The following LRRC4C variants were observed in gnomAD, a reference collection of about 807,000 sequenced individuals.
LRRC4C encodes leucine rich repeat containing 4C.
A neutral mutation model predicts 33.6 loss-of-function variants in LRRC4C; 5 were observed. The observed-to-expected ratio is 0.15, with a 90% CI of 0.08 to 0.31. The LOEUF is 0.31. LRRC4C is among the 10% of genes least tolerant of loss of function. The pLI, the probability that LRRC4C is intolerant of heterozygous loss-of-function variation, is 1.00. For synonymous variants in LRRC4C, 329 were observed against 302.0 expected (o/e 1.09, Z -0.93); for missense variants, 560 against 796.7 (o/e 0.70, Z 3.58).
chr11:41,261,374 A>G (rs1948977403), intron 1 of LRRC4C, among the ~76,000 whole-genome samples: 1 of 151,942 alleles, frequency 6.6e-6, no homozygotes, highest in South Asian at 2.1e-4. Context: ...TTTTTTTTGT[A>G]GCAGTAGGAA....
chr11:41,418,471 G>A (rs182719309), intron 1 of LRRC4C, among the ~76,000 whole-genome samples: 2 of 152,010 alleles, frequency 1.3e-5, no homozygotes, highest in African/African-American at 2.4e-5. Context: ...TGTTTAGAAG[G>A]GTCACTATGT....
At chr11:40,584,821 A>G (rs578049754) in intron 3 of LRRC4C, among the ~76,000 whole-genome samples, 159 of 151,992 alleles carry the variant, frequency 1.0e-3, no homozygotes, top group Admixed American at 2.2e-3. Context: ...GGTCCCAGGT[A>G]CTCAGGAGGC....
intron 3 of LRRC4C, among the ~76,000 whole-genome samples, chr11:40,615,726 A>T (rs1314588800): frequency 6.6e-6 from 1 of 151,728 alleles, no homozygotes; most frequent in Non-Finnish European, 1.5e-5. Context: ...AAGTGCAAGT[A>T]AACACCGGCT....
chr11:41,016,958 C>T (rs148703586), intron 1 of LRRC4C, among the ~76,000 whole-genome samples: 184 of 152,222 alleles, frequency 1.2e-3, no homozygotes, highest in African/African-American at 4.3e-3. Flanking sequence ...CAAACTCATA[C>T]AACTCGGATA....
intron 1 of LRRC4C, among the ~76,000 whole-genome samples, chr11:41,075,835 C>T (rs58060654): frequency 0.035 from 5,262 of 152,266 alleles, 217 homozygotes; most frequent in African/African-American, 0.1. Flanking sequence ...AATTAGCTGA[C>T]CAACTCAATT....
chr11:40,620,643 A>C (rs1304149988), intron 3 of LRRC4C, among the ~76,000 whole-genome samples: 1 of 151,842 alleles, frequency 6.6e-6, no homozygotes, highest in African/African-American at 2.4e-5. Context: ...CTTACTCTAG[A>C]CTAAAAGAAA....
At chr11:40,452,538 C>T (rs1328221916) in intron 3 of LRRC4C, among the ~76,000 whole-genome samples, 1 of 152,120 alleles carries the variant, frequency 6.6e-6, no homozygotes, top group Non-Finnish European at 1.5e-5. Flanking sequence ...ACAACAGGTG[C>T]TGGAGAGGAT....
intron 2 of LRRC4C, among the ~76,000 whole-genome samples, chr11:40,698,439 A>G (rs1945688968): frequency 6.6e-6 from 1 of 151,932 alleles, no homozygotes; most frequent in South Asian, 2.1e-4. Flanking sequence ...AGACAGAGTC[A>G]ATAAGAGCAT....
At chr11:40,343,583 C>G (rs1019046003) in intron 3 of LRRC4C, among the ~76,000 whole-genome samples, 1 of 151,564 alleles carries the variant, frequency 6.6e-6, no homozygotes, top group Non-Finnish European at 1.5e-5. Flanking sequence ...TGATTAGCTC[C>G]CACTTATAAG....
chr11:40,892,113 C>T (rs972801729), intron 2 of LRRC4C, among the ~76,000 whole-genome samples: 7 of 125,558 alleles, frequency 5.6e-5, no homozygotes, highest in South Asian at 2.5e-4. Flanking sequence ...CCAGCCTGGG[C>T]GACAGTGCGA....
intron 2 of LRRC4C, among the ~76,000 whole-genome samples, chr11:40,932,643 A>G (rs1483491025): frequency 6.6e-6 from 1 of 152,158 alleles, no homozygotes; most frequent in Non-Finnish European, 1.5e-5. Context: ...TGGAAAATAG[A>G]GTATAGGTAA....
chr11:41,102,199 CTT>C (rs144204221), intron 1 of LRRC4C, among the ~76,000 whole-genome samples: 1,695 of 152,016 alleles, frequency 0.011, 39 homozygotes, highest in African/African-American at 0.039. Context: ...GAAGAAGAAA[CTT>C]AACGTTATCG....
intron 3 of LRRC4C, among the ~76,000 whole-genome samples, chr11:40,391,056 A>C (rs1949314794): frequency 6.6e-6 from 1 of 151,836 alleles, no homozygotes; most frequent in South Asian, 2.1e-4. Context: ...TTATATTTGT[A>C]TTTTTAGTAT....
intron 1 of LRRC4C, among the ~76,000 whole-genome samples, chr11:40,968,498 A>T (rs1851505535): frequency 6.6e-6 from 1 of 152,174 alleles, no homozygotes; most frequent in African/African-American, 2.4e-5. Flanking sequence ...GGAGTTTCAT[A>T]GCTAATTTGG....
At chr11:40,566,297 T>A (rs1957766714) in intron 3 of LRRC4C, among the ~76,000 whole-genome samples, 1 of 151,878 alleles carries the variant, frequency 6.6e-6, no homozygotes, top group African/African-American at 2.4e-5. Context: ...ATATTAAAAC[T>A]TCAGCAAAAT....
chr11:40,396,235 T>C (rs1338764436), intron 3 of LRRC4C, among the ~76,000 whole-genome samples: 1 of 152,100 alleles, frequency 6.6e-6, no homozygotes, highest in Non-Finnish European at 1.5e-5. Context: ...TGTTTTTTAT[T>C]ATTTTTTTTT....
chr11:40,180,344 G>A (rs1860880927), intron 5 of LRRC4C, among the ~76,000 whole-genome samples: 1 of 152,172 alleles, frequency 6.6e-6, no homozygotes, highest in Non-Finnish European at 1.5e-5. Flanking sequence ...ATTTACTATG[G>A]TGATGAGTTC....
At chr11:40,260,762 A>C (rs1322574836) in intron 4 of LRRC4C, among the ~76,000 whole-genome samples, 1 of 152,174 alleles carries the variant, frequency 6.6e-6, no homozygotes, top group Admixed American at 6.6e-5. Flanking sequence ...CATTTGTTTT[A>C]TTTCTTTTCG....
chr11:41,025,526 A>T (rs1211135394), intron 1 of LRRC4C, among the ~76,000 whole-genome samples: 3 of 70,936 alleles, frequency 4.2e-5, no homozygotes, highest in Non-Finnish European at 1.0e-4. Flanking sequence ...AGGTAAAAAA[A>T]AAGAAAAAAA....
Sources: allele counts gnomAD v4.1 joint callset (sites outside exome capture counted in the v4.1 genomes callset), GRCh38; gene constraint gnomAD v4.1.1; transcripts MANE v1.5; gene names NCBI Gene and HGNC (gene_info 2026-07-23, HGNC 2026-07-21).